PCDH15: variants seen among roughly 807,000 people sequenced by gnomAD.
The protein encoded by PCDH15 is protocadherin related 15.
In PCDH15, 129 loss-of-function variants were observed where a neutral mutation model predicts 178.5. That is an observed-to-expected ratio of 0.72 (90% CI 0.63 to 0.84). The LOEUF is 0.84. PCDH15 is among the 40% of genes least tolerant of loss of function. The probability of loss-of-function intolerance (pLI) is 0.00; values close to 1 mark genes in which losing one functional copy is unlikely to be tolerated. For synonymous variants in PCDH15, 800 were observed against 732.0 expected (o/e 1.09, Z -1.50); for missense variants, 2,230 against 2,099.9 (o/e 1.06, Z -1.21).
chr10:53,989,421 A>G (rs899006459), intron 21 of PCDH15, among the ~76,000 whole-genome samples: 2 of 152,184 alleles, frequency 1.3e-5, no homozygotes, highest in African/African-American at 4.8e-5. Context: ...ATTAATTTCA[A>G]GTATTATTAA....
chr10:55,345,884 T>C (rs1048208482), intron 2 of PCDH15, among the ~76,000 whole-genome samples: 3 of 152,112 alleles, frequency 2.0e-5, no homozygotes, highest in Non-Finnish European at 4.4e-5. Flanking sequence ...ATATGATAAA[T>C]AGTTTATAAT....
chr10:54,078,928 AT>A (rs1292205728), intron 17 of PCDH15, among the ~76,000 whole-genome samples: 1 of 152,198 alleles, frequency 6.6e-6, no homozygotes, highest in Non-Finnish European at 1.5e-5. Context: ...AAAGATATTT[AT>A]CCACAAAATC....
intron 1 of PCDH15, among the ~76,000 whole-genome samples, chr10:55,281,769 CAA>C (rs1200912221): frequency 6.6e-6 from 1 of 152,128 alleles, no homozygotes; most frequent in Admixed American, 6.5e-5. Flanking sequence ...TCACTCTACA[CAA>C]AAAGAGTCCT....
At chr10:55,622,131 T>C in intron 2 of PCDH15, among the ~76,000 whole-genome samples, 1 of 91,828 alleles carries the variant, frequency 1.1e-5, no homozygotes, top group South Asian at 3.1e-4. Context: ...ATATATATAT[T>C]ATATATATTA....
chr10:55,310,132 T>C (rs1013577188), intron 1 of PCDH15, among the ~76,000 whole-genome samples: 3 of 152,206 alleles, frequency 2.0e-5, no homozygotes, highest in Admixed American at 2.0e-4. Context: ...TCTCATCGTT[T>C]AATTCAAAAC....
chr10:54,507,955 A>G (rs1351158587), intron 3 of PCDH15, among the ~76,000 whole-genome samples: 1 of 152,018 alleles, frequency 6.6e-6, no homozygotes, highest in East Asian at 1.9e-4. Context: ...TAATGGTGCC[A>G]ATAATAATAG....
intron 26 of PCDH15, among the ~76,000 whole-genome samples, chr10:53,899,877 A>C (rs911732297): frequency 6.6e-6 from 1 of 152,202 alleles, no homozygotes; most frequent in African/African-American, 2.4e-5. Context: ...TTAAACATTA[A>C]GTATTTATTA....
At chr10:54,639,962 T>A (rs1008549079) in intron 2 of PCDH15, among the ~76,000 whole-genome samples, 2 of 152,162 alleles carry the variant, frequency 1.3e-5, no homozygotes, top group Non-Finnish European at 2.9e-5. Flanking sequence ...GGTGCATGCC[T>A]GTAGTCCAGC....
At chr10:55,444,092 T>TA (rs1839259976) in intron 2 of PCDH15, among the ~76,000 whole-genome samples, 1 of 149,330 alleles carries the variant, frequency 6.7e-6, no homozygotes, top group Non-Finnish European at 1.5e-5. Context: ...AATGAGAACA[T>TA]ATGGGCACAG....
intron 1 of PCDH15, among the ~76,000 whole-genome samples, chr10:54,675,699 C>T (rs1405161167): frequency 6.6e-6 from 1 of 152,100 alleles, no homozygotes; most frequent in Non-Finnish European, 1.5e-5. Flanking sequence ...ATTCAGCGAA[C>T]ACATCTCAGT....
intron 2 of PCDH15, among the ~76,000 whole-genome samples, chr10:54,562,750 A>C (rs962525296): frequency 1.3e-5 from 2 of 152,114 alleles, no homozygotes; most frequent in African/African-American, 4.8e-5. Context: ...GTAGAGTTTC[A>C]TGTATAGAGA....
At chr10:54,831,252 A>G (rs889578484) in intron 3 of PCDH15, among the ~76,000 whole-genome samples, 1 of 152,076 alleles carries the variant, frequency 6.6e-6, no homozygotes, top group Non-Finnish European at 1.5e-5. Context: ...TTAATATTTT[A>G]TTTTTTGTGA....
chr10:53,939,061 T>TA, intron 24 of PCDH15, 106 bp from the exon 25 acceptor site: 7 of 1,124,616 alleles, frequency 6.2e-6, no homozygotes, highest in Non-Finnish European at 9.2e-6. Context: ...TGCCTATTTA[T>TA]AACTAGAGTG....
chr10:54,183,492 A>G lies in PCDH15; in HGVS notation c.1542T>C (p.Tyr514=), dbSNP rs1456524492. 1.2e-6 allele frequency: 2 copies of G among 1,613,826 alleles called. No homozygotes were observed. The highest frequency in any genetic ancestry group is 1.7e-6 in the Non-Finnish European group (2 of 1,179,750). ...TCATGTCTGTATAAACATACACATC[A>G]TAGGATATTTCAGGGAAGGTTGGCG... ...DNTPTFPEIS[Y]DVYVYTDMRP... Residue 514 remains tyrosine, a synonymous_variant, in exon 13 of 38, where the codon TAT becomes TAC. Coordinates refer to ENST00000644397, the MANE Select transcript of PCDH15 (RefSeq NM_001384140.1).
intron 26 of PCDH15, among the ~76,000 whole-genome samples, chr10:53,879,399 G>A (rs972643289): frequency 3.3e-5 from 5 of 152,126 alleles, no homozygotes; most frequent in African/African-American, 1.2e-4. Context: ...TGCTTATAAG[G>A]AGGGTGGGAG....
chr10:55,200,188 G>C (rs1382237257), intron 1 of PCDH15, among the ~76,000 whole-genome samples: 1 of 152,114 alleles, frequency 6.6e-6, no homozygotes, highest in Non-Finnish European at 1.5e-5. Flanking sequence ...AACATTCATG[G>C]GGAATGTACC....
Position 54,386,100 on chromosome 10 carries a change from TTGTGTGTGTGTGTGTG to T in PCDH15, c.158-7174_158-7159del, listed in dbSNP as rs60205554. ...CTACTTTGCTGAATTTAGTTATTAG[TTGTGTGTGTGTGTGTG>T]TGTGTGTGTGTGTGTGTGTGTGTGT... On this transcript the variant is annotated intron_variant, in intron 3 of 37. Transcript: ENST00000644397. Among the ~76,000 whole-genome samples, 367 of 139,818 alleles carry T rather than the reference TTGTGTGTGTGTGTGTG, an allele frequency of 2.6e-3. 3 individuals are homozygous for T. Among genetic ancestry groups the T allele is most frequent in the Middle Eastern group, 7.2e-3 (2 of 276 alleles). 91.7% of individuals were successfully genotyped at this position (139,818 alleles called of 152,430 possible).
At chr10:55,601,202 G>A (rs901995121) in intron 2 of PCDH15, among the ~76,000 whole-genome samples, 4 of 152,174 alleles carry the variant, frequency 2.6e-5, no homozygotes, top group African/African-American at 9.6e-5. Flanking sequence ...AAATGCAGAA[G>A]TGCTGTGAGA....
intron 3 of PCDH15, among the ~76,000 whole-genome samples, chr10:54,458,758 A>G (rs1589517925): frequency 6.6e-6 from 1 of 152,144 alleles, no homozygotes; most frequent in East Asian, 1.9e-4. Context: ...GTAGCTTAGT[A>G]GTAAAAACAA....
Sources: allele counts gnomAD v4.1 joint callset (sites outside exome capture counted in the v4.1 genomes callset), GRCh38; gene constraint gnomAD v4.1.1; transcripts MANE v1.5; gene names NCBI Gene and HGNC (gene_info 2026-07-23, HGNC 2026-07-21).